Variants in DCAF8L2 observed in about 807,000 individuals in gnomAD.
The protein encoded by DCAF8L2 is DDB1 and CUL4 associated factor 8 like 2, also known as DDB1- and CUL4-associated factor 8-like protein 2.
For missense variants in DCAF8L2, 430 were observed against 490.7 expected, an observed-to-expected ratio of 0.88 and a Z score of 1.17; for synonymous variants, 200 against 190.9, an observed-to-expected ratio of 1.05 and a Z score of -0.39.
chrX:27,597,207 G>A (rs2147114551), intron 1 of DCAF8L2, among the ~76,000 whole-genome samples: 1 of 111,620 alleles, frequency 9.0e-6, no homozygotes, highest in East Asian at 2.8e-4. Flanking sequence ...TTAAACTGGT[G>A]GAAGAAATTC....
the DCAF8L2 span, among the ~76,000 whole-genome samples, chrX:27,555,181 C>T: frequency 9.0e-6 from 1 of 111,541 alleles, no homozygotes; most frequent in Non-Finnish European, 1.9e-5. Flanking sequence ...ATATAAGTGT[C>T]CAGAGATAAA....
In DCAF8L2 at chrX:27,747,314, A is replaced by G; in HGVS notation, c.419A>G (p.Glu140Gly). 8.8e-7 allele frequency: 1 copy of G among 1,141,407 alleles called. No homozygotes were observed. The highest frequency in any genetic ancestry group is 2.9e-4 in the Middle Eastern group (1 of 3,453). 94.1% of individuals were successfully genotyped at this position (1,141,407 alleles called of 1,213,427 possible). ...EEEEEEEEEE[E>G]EEEEEEEQPR... is the part of the protein sequence containing the mutation. Reference sequence around the variant, plus strand: ...GAGGAGGAGGAGGAGGAGGAGGAGGAGGAGGAGGAGGAGGAAGAAGAACAG... The same window carrying G: ...GAGGAGGAGGAGGAGGAGGAGGAGGGGGAGGAGGAGGAGGAAGAAGAACAG... Residue 140 changes from glutamate (E) to glycine (G), a missense_variant, in exon 5 of 5, where the codon GAG becomes GGG. Physicochemically the swap from Glu to Gly is moderately conservative, Grantham distance 98. Coordinates refer to ENST00000451261, the MANE Select transcript of DCAF8L2 (RefSeq NM_001353450.2).
At chrX:27,574,069 A>AT in the DCAF8L2 span, among the ~76,000 whole-genome samples, 590 of 104,240 alleles carry the variant, frequency 5.7e-3, 2 homozygotes, top group South Asian at 0.016. Flanking sequence ...GCCTCAAGTG[A>AT]TTTTTTTTTT....
the DCAF8L2 span, among the ~76,000 whole-genome samples, chrX:27,543,471 T>G: frequency 3.6e-5 from 4 of 111,621 alleles, no homozygotes; most frequent in East Asian, 1.1e-3. Context: ...CTTTTTTGAT[T>G]CTATATGAAT....
intron 4 of DCAF8L2, among the ~76,000 whole-genome samples, chrX:27,729,985 G>T (rs1313159470): frequency 9.0e-6 from 1 of 111,588 alleles, no homozygotes; most frequent in East Asian, 2.8e-4. Flanking sequence ...TCCCTCAGAG[G>T]TTCTTACTGG....
intron 3 of DCAF8L2, among the ~76,000 whole-genome samples, chrX:27,689,331 G>A (rs968575670): frequency 8.9e-6 from 1 of 112,050 alleles, no homozygotes; most frequent in Admixed American, 9.4e-5. Flanking sequence ...GCCAACCTCC[G>A]CCTCCCAGGT....
chrX:27,476,492 C>CAT, the DCAF8L2 span, among the ~76,000 whole-genome samples: 1 of 111,172 alleles, frequency 9.0e-6, no homozygotes, highest in Admixed American at 9.6e-5. Context: ...TAGAAAAGGG[C>CAT]ATATTTAGGG....
At chrX:27,675,393 A>G (rs373714267) in intron 2 of DCAF8L2, among the ~76,000 whole-genome samples, 362 of 112,048 alleles carry the variant, frequency 3.2e-3, no homozygotes, top group African/African-American at 0.011. Flanking sequence ...TTGCTAAAAA[A>G]CATTGTAAAA....
chrX:27,503,976 T>A, the DCAF8L2 span, among the ~76,000 whole-genome samples: 24 of 112,296 alleles, frequency 2.1e-4, no homozygotes, highest in African/African-American at 7.8e-4. Context: ...TCTTCTTTAT[T>A]GTATTGTACA....
the DCAF8L2 span, among the ~76,000 whole-genome samples, chrX:27,534,740 T>C: frequency 8.9e-6 from 1 of 112,020 alleles, no homozygotes; most frequent in South Asian, 3.7e-4. Context: ...GGTCTACACA[T>C]TCCCTAAATA....
chrX:27,591,562 C>T (rs763568981), intron 1 of DCAF8L2, among the ~76,000 whole-genome samples: 21 of 111,558 alleles, frequency 1.9e-4, no homozygotes, highest in Admixed American at 3.8e-4. Context: ...CTATTGAAAG[C>T]GTAGTAATAA....
At chrX:27,518,413 T>G in the DCAF8L2 span, 1 of 616,789 alleles carries the variant, frequency 1.6e-6, no homozygotes, top group Non-Finnish European at 2.8e-6. Context: ...GCACAAGATC[T>G]AGAAATATAT....
chrX:27,485,618 C>G, the DCAF8L2 span, among the ~76,000 whole-genome samples: 2 of 110,842 alleles, frequency 1.8e-5, no homozygotes, highest in Non-Finnish European at 3.8e-5. Flanking sequence ...ATCAATAAAC[C>G]ATTTTAAAGA....
Position 27,590,450 on chromosome X carries a change from C to A in DCAF8L2, c.-342+10C>A, listed in dbSNP as rs1926018094. ...ATGACTCGAGTCTATGGTATGTAAT[C>A]AATATTTTGATTTCAACAATGATTT... On this transcript the variant is annotated intron_variant, in intron 1 of 4. Transcript: ENST00000451261. The A allele has an allele frequency of 9.0e-6, 1 of 111,383 alleles. No individual in the cohort carries two copies. Among genetic ancestry groups the A allele is most frequent in the African/African-American group, 3.3e-5 (1 of 30,602 alleles). The allele number at this position is 111,383 out of a possible 1,213,427, so 9.2% of individuals were successfully genotyped here. A position where few individuals can be genotyped will look rare whatever the true frequency, so the allele number is the denominator to read the frequency against.
intron 2 of DCAF8L2, among the ~76,000 whole-genome samples, chrX:27,671,207 CAG>C (rs1325802648): frequency 8.9e-6 from 1 of 111,970 alleles, no homozygotes; most frequent in African/African-American, 3.2e-5. Flanking sequence ...ACCACAATAA[CAG>C]GGTAAATTCT....
chrX:27,589,229 A>G (rs923229141), upstream of DCAF8L2, among the ~76,000 whole-genome samples: 1 of 111,827 alleles, frequency 8.9e-6, no homozygotes, highest in African/African-American at 3.3e-5. Context: ...TTACAATGTT[A>G]TAGAGTGGTC....
chrX:27,614,343 T>C, intron 1 of DCAF8L2, among the ~76,000 whole-genome samples: 1 of 111,529 alleles, frequency 9.0e-6, no homozygotes, highest in African/African-American at 3.3e-5. Context: ...TTTTCTCTCT[T>C]TTCTTCTTTA....
At chrX:27,632,777 GCT>G (rs972016237) in intron 2 of DCAF8L2, 3 of 111,137 alleles carry the variant, frequency 2.7e-5, no homozygotes, top group Non-Finnish European at 5.7e-5. Context: ...CCCTAACTCT[GCT>G]CTATTTGGTT....
the DCAF8L2 span, among the ~76,000 whole-genome samples, chrX:27,548,527 G>A: frequency 3.0e-4 from 33 of 111,698 alleles, no homozygotes; most frequent in Non-Finnish European, 9.4e-5. Flanking sequence ...CAAGTGCAAA[G>A]TGTGAGGGTG....
Sources: allele counts gnomAD v4.1 joint callset (sites outside exome capture counted in the v4.1 genomes callset), GRCh38; gene constraint gnomAD v4.1.1; transcripts MANE v1.5; gene names NCBI Gene and HGNC (gene_info 2026-07-23, HGNC 2026-07-21).